CDPF1: variants seen among roughly 807,000 people sequenced by gnomAD.
CDPF1 encodes cysteine-rich DPF motif domain-containing protein 1.
A neutral mutation model predicts 8.3 loss-of-function variants in CDPF1; 8 were observed. The observed-to-expected ratio is 0.96, with a 90% CI of 0.57 to 1.74. The LOEUF (loss-of-function observed/expected upper bound fraction) is 1.74, where lower values mean the gene tolerates loss of function less well. Ranked by LOEUF, CDPF1 falls within the 40% of genes most tolerant of loss-of-function variation. The probability of loss-of-function intolerance (pLI) is 0.00; values close to 1 mark genes in which losing one functional copy is unlikely to be tolerated. For missense variants in CDPF1, 151 were observed against 155.3 expected, an observed-to-expected ratio of 0.97 and a Z score of 0.15; for synonymous variants, 62 against 62.9, an observed-to-expected ratio of 0.99 and a Z score of 0.07.
At position 46,245,424 on chromosome 22, in the gene CDPF1, G is replaced by A. The variant is rs1169861438; in HGVS notation, c.226-186C>T. Among the ~76,000 whole-genome samples, 1 of 152,148 alleles carries A rather than the reference G, an allele frequency of 6.6e-6. No homozygotes were observed. Among genetic ancestry groups the A allele is most frequent in the East Asian group, 1.9e-4 (1 of 5,174 alleles). On this transcript the variant is annotated intron_variant, in intron 3 of 3. Coordinates refer to ENST00000314567, the MANE Select transcript of CDPF1 (RefSeq NM_207327.5). This position sits in a 1 kb window ranked among gnomAD's most constrained non-coding sequence, Gnocchi z 6.9. Reference sequence around the variant, plus strand: ...GCCTGAGGGCCTGGCAGGGTGTCCAGGAGAAAAGCAATGCAGGCCTGGGCT... The same window carrying A: ...GCCTGAGGGCCTGGCAGGGTGTCCAAGAGAAAAGCAATGCAGGCCTGGGCT...
chr22:46,246,591 C>T lies in CDPF1; in HGVS notation c.225+519G>A. 6.7e-7 allele frequency: 1 copy of T among 1,490,026 alleles called. No individual in the cohort carries two copies. Among genetic ancestry groups the T allele is most frequent in the Non-Finnish European group, 9.0e-7 (1 of 1,107,858 alleles). The allele number at this position is 1,490,026 out of a possible 1,614,324, so 92.3% of individuals were successfully genotyped here. A position where few individuals can be genotyped will look rare whatever the true frequency, so the allele number is the denominator to read the frequency against. ...CCATCCGTCCTTGGGTTTACAGCTA[C>T]CCAGGTGAACCTGGCCCACCCAGCC... On this transcript the variant is annotated intron_variant, in intron 3 of 3. Coordinates refer to ENST00000314567, the MANE Select transcript of CDPF1 (RefSeq NM_207327.5). This position sits in a 1 kb window ranked among gnomAD's most constrained non-coding sequence, Gnocchi z 7.1.
Position 46,245,815 on chromosome 22 carries a change from G to A in CDPF1, c.226-577C>T, listed in dbSNP as rs1040638609. On this transcript the variant is annotated intron_variant, in intron 3 of 3. Coordinates refer to ENST00000314567, the MANE Select transcript of CDPF1 (RefSeq NM_207327.5). The surrounding 1 kb of genome is among the most constrained non-coding windows in gnomAD (Gnocchi z 6.9). ...CCAGCCCCCTCTGTAACTGGGCATC[G>A]CCATGTGACTCAGGCTGGTTAGGGG... Among the ~76,000 whole-genome samples, 6 of 152,204 alleles carry A rather than the reference G, an allele frequency of 3.9e-5. No individual in the cohort carries two copies. Among genetic ancestry groups the A allele is most frequent in the African/African-American group, 1.4e-4 (6 of 41,456 alleles).
In CDPF1 at chr22:46,246,562, ACTTCCATC is replaced by A; in HGVS notation, c.225+540_225+547del. 7.5e-7 allele frequency: 1 copy of A among 1,333,192 alleles called. No homozygotes were observed. The highest frequency in any genetic ancestry group is 1.0e-6 in the Non-Finnish European group (1 of 980,074). 82.6% of individuals were successfully genotyped at this position (1,333,192 alleles called of 1,614,324 possible). The stretch of plus-strand genomic sequence containing the variant: ...CACGCTGTGAAAGCCATGCTGCTCC[ACTTCCATC>A]CGTCCTTGGGTTTACAGCTACCCAG... On this transcript the variant is annotated intron_variant, in intron 3 of 3. Coordinates refer to ENST00000314567, the MANE Select transcript of CDPF1 (RefSeq NM_207327.5). The surrounding 1 kb of genome is among the most constrained non-coding windows in gnomAD (Gnocchi z 7.1).
chr22:46,244,840 A>C lies in CDPF1; in HGVS notation c.*252T>G. The C allele has an allele frequency of 2.1e-6, 1 of 470,398 alleles. No individual in the cohort carries two copies. 29.1% of individuals were successfully genotyped at this position (470,398 alleles called of 1,614,324 possible). On this transcript the variant is annotated 3_prime_UTR_variant, in exon 4 of 4. Coordinates refer to ENST00000314567, the MANE Select transcript of CDPF1 (RefSeq NM_207327.5). The surrounding 1 kb of genome is among the most constrained non-coding windows in gnomAD (Gnocchi z 6.7). ...CACTCAGGCCTGGGCCCTGAGGGGC[A>C]TGTGGGGGGACCTGGCCGGGTTCCT...
In CDPF1 at chr22:46,248,160, G is replaced by T. The variant is rs747546155; in HGVS notation, c.113+12C>A. 14 of 1,596,816 alleles carry T rather than the reference G, an allele frequency of 8.8e-6. No homozygotes were observed. Among genetic ancestry groups the T allele is most frequent in the Non-Finnish European group, 1.1e-5 (13 of 1,165,552 alleles). On this transcript the variant is annotated intron_variant, in intron 2 of 3. Coordinates refer to ENST00000314567, the MANE Select transcript of CDPF1 (RefSeq NM_207327.5). The surrounding 1 kb of genome is among the most constrained non-coding windows in gnomAD (Gnocchi z 4.1). ...GGCCTCCCCGGCACTGGCCCAAAAG[G>T]CATGCACTCACACCATCGACTGGGT...
Position 46,246,497 on chromosome 22 carries a change from G to A in CDPF1, c.225+613C>T, listed in dbSNP as rs1936491549. Among the ~76,000 whole-genome samples the A allele has an allele frequency of 6.6e-6, 1 of 152,160 alleles. No homozygotes were observed. The highest frequency in any genetic ancestry group is 2.4e-5 in the African/African-American group (1 of 41,426). On this transcript the variant is annotated intron_variant, in intron 3 of 3. Coordinates refer to ENST00000314567, the MANE Select transcript of CDPF1 (RefSeq NM_207327.5). The surrounding 1 kb of genome is among the most constrained non-coding windows in gnomAD (Gnocchi z 7.1). ...TGTGTCAACCTGTGGCAGATGCTCA[G>A]GGACTTCTCAGACTCTGGGGTCACT...
chr22:46,248,674 G>A lies in CDPF1; in HGVS notation c.1-390C>T, dbSNP rs1207163338. ...GGGTGCAAAATCTCCTGTTTCTGCT[G>A]CTCCTAGAAGCTCTATGCCCTCACA... On this transcript the variant is annotated intron_variant, in intron 1 of 3. Transcript: ENST00000314567. The surrounding 1 kb of genome is among the most constrained non-coding windows in gnomAD (Gnocchi z 4.1). 2.0e-5 allele frequency among the ~76,000 whole-genome samples: 3 copies of A among 152,192 alleles called. No individual in the cohort carries two copies. The highest frequency in any genetic ancestry group is 7.2e-5 in the African/African-American group (3 of 41,446).
Position 46,248,537 on chromosome 22 carries a change from C to A in CDPF1, c.1-253G>T, listed in dbSNP as rs917887973. Among the ~76,000 whole-genome samples, 1 of 152,216 alleles carries A rather than the reference C, an allele frequency of 6.6e-6. No individual in the cohort carries two copies. Among genetic ancestry groups the A allele is most frequent in the Non-Finnish European group, 1.5e-5 (1 of 68,032 alleles). On this transcript the variant is annotated intron_variant, in intron 1 of 3. Transcript: ENST00000314567. This position sits in a 1 kb window ranked among gnomAD's most constrained non-coding sequence, Gnocchi z 4.1. ...GGATCCAGACAGGATCAAGCCAGAG[C>A]ACCCATCTCTTCTTCCAGGTCTGCA...
rs1280014713 is a variant in CDPF1 at position 46,249,617 on chromosome 22, C to G, written c.-1+639G>C. Among the ~76,000 whole-genome samples the G allele has an allele frequency of 1.3e-5, 2 of 152,038 alleles. No individual in the cohort carries two copies. Among genetic ancestry groups the G allele is most frequent in the Non-Finnish European group, 2.9e-5 (2 of 68,010 alleles). On this transcript the variant is annotated intron_variant, in intron 1 of 3. Coordinates refer to ENST00000314567, the MANE Select transcript of CDPF1 (RefSeq NM_207327.5). The surrounding 1 kb of genome is among the most constrained non-coding windows in gnomAD (Gnocchi z 4.6). ...TGAGCCGAGATTGTGCCACTGTACT[C>G]CAGCCTGGGCGACAGGGCGAGACTC...
chr22:46,244,740 C>T lies in CDPF1; in HGVS notation c.*352G>A, dbSNP rs1033541390. Reference sequence around the variant, plus strand: ...ACACAGTGTGGCATCTCCCCCCACACGCACCTGCACGCAGCCTCTTAGGAG... The same window carrying T: ...ACACAGTGTGGCATCTCCCCCCACATGCACCTGCACGCAGCCTCTTAGGAG... On this transcript the variant is annotated 3_prime_UTR_variant, in exon 4 of 4. Transcript: ENST00000314567. The surrounding 1 kb of genome is among the most constrained non-coding windows in gnomAD (Gnocchi z 6.7). 11 of 248,386 alleles carry T rather than the reference C, an allele frequency of 4.4e-5. No homozygotes were observed. The highest frequency in any genetic ancestry group is 1.5e-4 in the Admixed American group (3 of 19,792). 15.4% of individuals were successfully genotyped at this position (248,386 alleles called of 1,614,324 possible). A position where few individuals can be genotyped will look rare whatever the true frequency, so the allele number is the denominator to read the frequency against.
rs1163911318 is a variant in CDPF1 at position 46,245,785 on chromosome 22, A to G, written c.226-547T>C. 1.3e-5 allele frequency among the ~76,000 whole-genome samples: 2 copies of G among 152,200 alleles called. No individual in the cohort carries two copies. Among genetic ancestry groups the G allele is most frequent in the Non-Finnish European group, 2.9e-5 (2 of 68,030 alleles). On this transcript the variant is annotated intron_variant, in intron 3 of 3. Transcript: ENST00000314567. The surrounding 1 kb of genome is among the most constrained non-coding windows in gnomAD (Gnocchi z 6.9). ...TGCACAGCACGTGGCTAAGGATGACATTCCCCAGCCCCCTCTGTAACTGGG... is the reference window on the plus strand; with the variant it reads ...TGCACAGCACGTGGCTAAGGATGACGTTCCCCAGCCCCCTCTGTAACTGGG...
Position 46,245,015 on chromosome 22 carries a change from C to T in CDPF1, c.*77G>A, listed in dbSNP as rs1936464034. 3 of 1,562,524 alleles carry T rather than the reference C, an allele frequency of 1.9e-6. No individual in the cohort carries two copies. The South Asian group carries it at 3.6e-5, about 19-fold the overall frequency. On this transcript the variant is annotated 3_prime_UTR_variant, in exon 4 of 4. Transcript: ENST00000314567. This position sits in a 1 kb window ranked among gnomAD's most constrained non-coding sequence, Gnocchi z 6.9. ...CAAGGCCAGGCATGGCGGCTCCCAG[C>T]TCAGCAGCATCCCTGGCGCAGGCTG...
In CDPF1 at chr22:46,248,263, G is replaced by A. The variant is rs547032323; in HGVS notation, c.22C>T (p.Arg8Cys). The A allele has an allele frequency of 3.1e-5, 50 of 1,613,160 alleles. No individual in the cohort carries two copies. The highest frequency in any genetic ancestry group is 8.0e-5 in the African/African-American group (6 of 75,000). Reference sequence around the variant, plus strand: ...TCACACTCAAACACTCCCAGAGGACGGCACTCTACATGGGACGCCATCTGC... The same window carrying A: ...TCACACTCAAACACTCCCAGAGGACAGCACTCTACATGGGACGCCATCTGC... MASHVEC[R>C]PLGVFECELC... is the part of the protein sequence containing the mutation. Residue 8 changes from arginine to cysteine, a missense_variant, in exon 2 of 4, where the codon CGT becomes TGT. Transcript: ENST00000314567. This position sits in a 1 kb window ranked among gnomAD's most constrained non-coding sequence, Gnocchi z 4.1.
In CDPF1 at chr22:46,249,084, G is replaced by A. The variant is rs1303316966; in HGVS notation, c.1-800C>T. ...ATGGAACCCCCTTCTCATGTTCATG[G>A]TTGGGTCTTGGAGGCCTCTCTTTCC... On this transcript the variant is annotated intron_variant, in intron 1 of 3. Transcript: ENST00000314567. The surrounding 1 kb of genome is among the most constrained non-coding windows in gnomAD (Gnocchi z 4.6). Among the ~76,000 whole-genome samples, 1 of 152,134 alleles carries A rather than the reference G, an allele frequency of 6.6e-6. No individual in the cohort carries two copies. The highest frequency in any genetic ancestry group is 1.5e-5 in the Non-Finnish European group (1 of 68,040).
At position 46,248,062 on chromosome 22, in the gene CDPF1, T is replaced by G; in HGVS notation, c.113+110A>C. On this transcript the variant is annotated intron_variant, in intron 2 of 3. Transcript: ENST00000314567. The surrounding 1 kb of genome is among the most constrained non-coding windows in gnomAD (Gnocchi z 4.1). ...AGAAGCATTCAGAGCCTGGCCAGGG[T>G]GGGGTCTAAAGCTCCACACCTGAGA... 1 of 650,942 alleles carries G rather than the reference T, an allele frequency of 1.5e-6. No individual in the cohort carries two copies. The highest frequency in any genetic ancestry group is 2.6e-6 in the Non-Finnish European group (1 of 377,382). The allele number at this position is 650,942 out of a possible 1,614,324, so 40.3% of individuals were successfully genotyped here. A position where few individuals can be genotyped will look rare whatever the true frequency, so the allele number is the denominator to read the frequency against.
rs899773497 is a variant in CDPF1 at position 46,249,669 on chromosome 22, TAAATA to T, written c.-1+582_-1+586del. Among the ~76,000 whole-genome samples, 53 of 144,720 alleles carry T rather than the reference TAAATA, an allele frequency of 3.7e-4. No homozygotes were observed. Among genetic ancestry groups the T allele is most frequent in the African/African-American group, 1.2e-3 (45 of 38,704 alleles). 94.9% of individuals were successfully genotyped at this position (144,720 alleles called of 152,430 possible). A position where few individuals can be genotyped will look rare whatever the true frequency, so the allele number is the denominator to read the frequency against. On this transcript the variant is annotated intron_variant, in intron 1 of 3. Coordinates refer to ENST00000314567, the MANE Select transcript of CDPF1 (RefSeq NM_207327.5). This position sits in a 1 kb window ranked among gnomAD's most constrained non-coding sequence, Gnocchi z 4.6. ...TTCTCAAAAAAATAAAAATTAAAAT[TAAATA>T]AAATAAAATATTAGCCGGGCGTGGG...
chr22:46,249,869 G>A lies in CDPF1; in HGVS notation c.-1+387C>T, dbSNP rs1293269358. On this transcript the variant is annotated intron_variant, in intron 1 of 3. Transcript: ENST00000314567. The surrounding 1 kb of genome is among the most constrained non-coding windows in gnomAD (Gnocchi z 4.6). Reference sequence around the variant, plus strand: ...GACTCTGTCTCAAAACAAAAGTTACGATCGATCGCGGGTGTGCGTGAACCT... The same window carrying A: ...GACTCTGTCTCAAAACAAAAGTTACAATCGATCGCGGGTGTGCGTGAACCT... 6.6e-6 allele frequency among the ~76,000 whole-genome samples: 1 copy of A among 152,124 alleles called. No individual in the cohort carries two copies. Among genetic ancestry groups the A allele is most frequent in the Non-Finnish European group, 1.5e-5 (1 of 68,034 alleles).
Position 46,248,847 on chromosome 22 carries a change from G to A in CDPF1, c.1-563C>T, listed in dbSNP as rs946865424. 3.9e-5 allele frequency among the ~76,000 whole-genome samples: 6 copies of A among 152,216 alleles called. No individual in the cohort carries two copies. Among genetic ancestry groups the A allele is most frequent in the Admixed American group, 1.3e-4 (2 of 15,286 alleles). On this transcript the variant is annotated intron_variant, in intron 1 of 3. Transcript: ENST00000314567. This position sits in a 1 kb window ranked among gnomAD's most constrained non-coding sequence, Gnocchi z 4.1. ...CATCTAGCTAACATGGTGAAACCCC[G>A]CCTCTACTAAAAATACAAAAAATTA...
rs1176834661 is a variant in CDPF1 at position 46,249,363 on chromosome 22, G to A, written c.-1+893C>T. Among the ~76,000 whole-genome samples the A allele has an allele frequency of 6.6e-6, 1 of 152,156 alleles. No homozygotes were observed. Among genetic ancestry groups the A allele is most frequent in the African/African-American group, 2.4e-5 (1 of 41,422 alleles). ...GGTTACCAGTGACTTTAAAAGTTAA[G>A]TCTGGCCCGGTGTGGTTGCTCATAC... is the stretch of plus-strand genomic sequence containing the variant. On this transcript the variant is annotated intron_variant, in intron 1 of 3. Coordinates refer to ENST00000314567, the MANE Select transcript of CDPF1 (RefSeq NM_207327.5). This position sits in a 1 kb window ranked among gnomAD's most constrained non-coding sequence, Gnocchi z 4.6.
Sources: allele counts gnomAD v4.1 joint callset (sites outside exome capture counted in the v4.1 genomes callset), GRCh38; gene constraint gnomAD v4.1.1; non-coding constraint Gnocchi (gnomAD v3.1); transcripts MANE v1.5; gene names NCBI Gene and HGNC (gene_info 2026-07-23, HGNC 2026-07-21).